Variants in COL4A2 observed in about 807,000 individuals in gnomAD.
COL4A2 encodes the protein collagen alpha-2(IV) chain.
In COL4A2, 99 loss-of-function variants were observed where a neutral mutation model predicts 200.2. The observed-to-expected ratio is 0.49, with a 90% CI of 0.42 to 0.58. The LOEUF (loss-of-function observed/expected upper bound fraction) is 0.58, where lower values mean the gene tolerates loss of function less well. Among genes scored for constraint, COL4A2 ranks in the 20% least tolerant of loss-of-function variants. The pLI, the probability that COL4A2 is intolerant of heterozygous loss-of-function variation, is 0.00. For synonymous variants in COL4A2, 897 were observed against 900.6 expected (o/e 1.00, Z 0.07); for missense variants, 1,950 against 2,314.1 (o/e 0.84, Z 3.23).
chr13:110,449,855 C>A, intron 19 of COL4A2, 66 bp downstream of exon 19: 2 of 1,473,880 alleles, frequency 1.4e-6, no homozygotes, highest in Non-Finnish European at 1.8e-6. Flanking sequence ...CTAGCACACA[C>A]AAGGGAGACT....
At chr13:110,429,807 C>T in intron 7 of COL4A2, 78 bp from the exon 8 acceptor site, 1 of 1,429,892 alleles carries the variant, frequency 7.0e-7, no homozygotes, top group Non-Finnish European at 9.8e-7. Context: ...GTTCAGTCAT[C>T]CACATTACCA....
At chr13:110,372,025 C>T (rs1181723951) in intron 4 of COL4A2, among the ~76,000 whole-genome samples, 1 of 151,756 alleles carries the variant, frequency 6.6e-6, no homozygotes, top group Non-Finnish European at 1.5e-5. Context: ...CCGCTCACCT[C>T]TCTCTCTCTC....
At chr13:110,365,724 C>T (rs1008895703) in intron 4 of COL4A2, among the ~76,000 whole-genome samples, 19 of 152,216 alleles carry the variant, frequency 1.2e-4, no homozygotes, top group Admixed American at 1.2e-3. Context: ...GCATCCTCCC[C>T]GGTTCATTGA....
intron 3 of COL4A2, among the ~76,000 whole-genome samples, chr13:110,346,788 G>A (rs933305753): frequency 3.9e-5 from 6 of 152,194 alleles, no homozygotes; most frequent in African/African-American, 1.4e-4. Flanking sequence ...GACTCAAGAT[G>A]AGGCACATGT....
chr13:110,439,712 A>T, intron 15 of COL4A2, 77 bp from the exon 16 acceptor site: 1 of 1,606,304 alleles, frequency 6.2e-7, no homozygotes, highest in Non-Finnish European at 8.5e-7. Context: ...GATCACAGCC[A>T]GGTGCCGTAG....
At chr13:110,439,854 G>A (rs199897933) in intron 16 of COL4A2, 21 bp downstream of exon 16, 5 of 1,613,558 alleles carry the variant, frequency 3.1e-6, no homozygotes, top group South Asian at 2.2e-5. Flanking sequence ...TGCATGAACT[G>A]CAGTCTGCTC....
intron 3 of COL4A2, among the ~76,000 whole-genome samples, chr13:110,340,412 A>C (rs1242283626): frequency 3.9e-5 from 6 of 152,248 alleles, no homozygotes; most frequent in Non-Finnish European, 7.3e-5. Flanking sequence ...CATGGTCCTC[A>C]TGTAAGCTGA....
At chr13:110,434,109 C>T (rs534115235) in intron 11 of COL4A2, among the ~76,000 whole-genome samples, 18 of 152,236 alleles carry the variant, frequency 1.2e-4, no homozygotes, top group African/African-American at 4.3e-4. Context: ...GGCCAGAACC[C>T]AGGGACATGC....
Position 110,428,479 on chromosome 13 carries a change from CA to C in COL4A2, c.375del (p.Gly126ValfsTer120). On this transcript the variant is annotated frameshift_variant, in exon 7 of 48. Transcript: ENST00000360467. LOFTEE classifies it high-confidence loss of function. ...CTCTCTTTCCCAGGGACACCCGGGG[CA>C]AGGTGGGCCCAGGGGAAGGCCGGGC... ...GADGIPGHPG[Q>X]GGPRGRPGYD... is the part of the protein sequence containing the mutation. 1.3e-6 allele frequency: 2 copies of C among 1,576,014 alleles called. No individual in the cohort carries two copies. Among genetic ancestry groups the C allele is most frequent in the Non-Finnish European group, 1.7e-6 (2 of 1,166,358 alleles).
intron 18 of COL4A2, among the ~76,000 whole-genome samples, chr13:110,448,023 C>T (rs970063198): frequency 3.9e-5 from 6 of 152,150 alleles, no homozygotes; most frequent in African/African-American, 1.4e-4. Context: ...TCTGGGGAGG[C>T]GTGGAGCCGT....
intron 18 of COL4A2, among the ~76,000 whole-genome samples, chr13:110,448,998 A>G (rs199545011): frequency 1.3e-5 from 2 of 152,216 alleles, no homozygotes; most frequent in East Asian, 3.9e-4. Flanking sequence ...GAGACGCCAT[A>G]CACGGAAGTC....
At chr13:110,330,010 A>G (rs7989565) in intron 3 of COL4A2, among the ~76,000 whole-genome samples, 17,303 of 152,274 alleles carry the variant, frequency 0.11, 1,116 homozygotes, top group Non-Finnish European at 0.14. Flanking sequence ...TAAGTTGCCA[A>G]ATGAACACTG....
At chr13:110,385,428 ACAGTGCCTGGATAGACCGTGGCTG>A (rs1431337914) in intron 4 of COL4A2, among the ~76,000 whole-genome samples, 6,851 of 90,508 alleles carry the variant, frequency 0.076, 932 homozygotes, top group Middle Eastern at 0.11. Context: ...GACTGTGGTT[ACAGTGCCTGGATAGACCGTGGCTG>A]CAGTGTGTGG....
intron 46 of COL4A2, among the ~76,000 whole-genome samples, chr13:110,506,833 A>C (rs1883903479): frequency 6.6e-6 from 1 of 152,026 alleles, no homozygotes; most frequent in Non-Finnish European, 1.5e-5. Context: ...CTGCCTTTTA[A>C]CCTGGTATTG....
chr13:110,355,507 C>A (rs1310934538), intron 3 of COL4A2, among the ~76,000 whole-genome samples: 6 of 87,124 alleles, frequency 6.9e-5, no homozygotes, highest in African/African-American at 1.5e-4. Flanking sequence ...CACTAGCTCA[C>A]CTGTGTGTGT....
intron 19 of COL4A2, among the ~76,000 whole-genome samples, 184 bp downstream of exon 19, chr13:110,449,973 C>T (rs1268227618): frequency 6.6e-6 from 1 of 152,210 alleles, no homozygotes; most frequent in Non-Finnish European, 1.5e-5. Flanking sequence ...AACCCTCGCA[C>T]ATATGACAGT....
chr13:110,390,359 CA>C (rs1878941156), intron 4 of COL4A2, among the ~76,000 whole-genome samples: 1 of 152,216 alleles, frequency 6.6e-6, no homozygotes, highest in African/African-American at 2.4e-5. Context: ...CACAGATTCC[CA>C]AAGGTCACGC....
At chr13:110,366,194 A>C (rs1432106727) in intron 4 of COL4A2, among the ~76,000 whole-genome samples, 1 of 152,212 alleles carries the variant, frequency 6.6e-6, no homozygotes, top group Non-Finnish European at 1.5e-5. Flanking sequence ...TTAGTAAACA[A>C]TTGCAGGATT....
intron 3 of COL4A2, among the ~76,000 whole-genome samples, chr13:110,316,505 G>A (rs754452718): frequency 6.6e-6 from 1 of 152,184 alleles, no homozygotes; most frequent in African/African-American, 2.4e-5. Flanking sequence ...AGTGACACTG[G>A]CTCCAGATTA....
Sources: allele counts gnomAD v4.1 joint callset (sites outside exome capture counted in the v4.1 genomes callset), GRCh38; gene constraint gnomAD v4.1.1; transcripts MANE v1.5; gene names NCBI Gene and HGNC (gene_info 2026-07-23, HGNC 2026-07-21).